RANBP2: variants seen among roughly 807,000 people sequenced by gnomAD.
RANBP2 encodes RAN binding protein 2.
In RANBP2, 57 loss-of-function variants were observed where a neutral mutation model predicts 303.6. That is an observed-to-expected ratio of 0.19 (90% confidence interval 0.15 to 0.23). The LOEUF (loss-of-function observed/expected upper bound fraction) is 0.23. RANBP2 is among the 10% of genes least tolerant of loss of function. The probability of loss-of-function intolerance (pLI) is 1.00; values close to 1 mark genes in which losing one functional copy is unlikely to be tolerated. For missense variants in RANBP2, 3,138 were observed against 3,780.8 expected, an observed-to-expected ratio of 0.83 and a Z score of 4.46; for synonymous variants, 1,167 against 1,301.5, an observed-to-expected ratio of 0.90 and a Z score of 2.23.
the RANBP2 span, among the ~76,000 whole-genome samples, chr2:109,102,602 C>T: frequency 6.6e-5 from 10 of 152,034 alleles, no homozygotes; most frequent in Non-Finnish European, 1.2e-4. Flanking sequence ...CATAACTCTT[C>T]GGTAGTTAGG....
At chr2:108,792,940 T>C in the RANBP2 span, among the ~76,000 whole-genome samples, 1 of 150,776 alleles carries the variant, frequency 6.6e-6, no homozygotes, top group East Asian at 2.0e-4. Context: ...AGCACGTGCC[T>C]GTAGTCCCAG....
chr2:108,926,179 C>T, the RANBP2 span, among the ~76,000 whole-genome samples: 1 of 152,164 alleles, frequency 6.6e-6, no homozygotes, highest in African/African-American at 2.4e-5. Context: ...GGGCTTGTCA[C>T]CAACCCGAAA....
At chr2:109,241,734 T>C in the RANBP2 span, among the ~76,000 whole-genome samples, 2 of 151,866 alleles carry the variant, frequency 1.3e-5, no homozygotes, top group Admixed American at 1.3e-4. Flanking sequence ...AGTTTTCTGT[T>C]CCCACCCTGC....
the RANBP2 span, among the ~76,000 whole-genome samples, chr2:109,049,661 A>G: frequency 6.6e-6 from 1 of 152,132 alleles, no homozygotes; most frequent in Admixed American, 6.5e-5. Context: ...TGCTTTTCAC[A>G]TTTATTTCTA....
chr2:109,603,529 G>A, the RANBP2 span, among the ~76,000 whole-genome samples: 4 of 150,960 alleles, frequency 2.6e-5, no homozygotes, highest in African/African-American at 7.3e-5. Flanking sequence ...GTGCACCACC[G>A]CGCCCGGCCT....
chr2:109,027,222 AAC>A, the RANBP2 span, among the ~76,000 whole-genome samples: 1 of 149,382 alleles, frequency 6.7e-6, no homozygotes, highest in South Asian at 2.2e-4. Flanking sequence ...CAGCCTGGGC[AAC>A]AGAGTGAGGC....
chr2:109,190,421 G>A, the RANBP2 span, among the ~76,000 whole-genome samples: 3 of 152,204 alleles, frequency 2.0e-5, no homozygotes, highest in Non-Finnish European at 4.4e-5. Flanking sequence ...CGATCCACCC[G>A]CCTCGGCCAC....
At chr2:108,755,302 T>G in intron 17 of RANBP2, 43 bp downstream of exon 17, 1 of 1,611,030 alleles carries the variant, frequency 6.2e-7, no homozygotes. Context: ...TATTCCAAGA[T>G]TCCTTCCCTG....
At chr2:109,260,389 C>A in the RANBP2 span, among the ~76,000 whole-genome samples, 38,359 of 152,132 alleles carry the variant, frequency 0.25, 5,259 homozygotes, top group East Asian at 0.46. Flanking sequence ...CCAGGAACCA[C>A]CAAAGCAGGA....
chr2:108,894,128 TATG>T, the RANBP2 span, among the ~76,000 whole-genome samples: 5 of 152,166 alleles, frequency 3.3e-5, no homozygotes, highest in Non-Finnish European at 5.9e-5. Context: ...ACCCCCGAGC[TATG>T]ATAATAAATG....
chr2:108,929,102 G>A, the RANBP2 span: 1 of 1,423,036 alleles, frequency 7.0e-7, no homozygotes, highest in Non-Finnish European at 9.8e-7. Context: ...GAGGCCTGCA[G>A]TATCCATGAC....
In RANBP2 at chr2:108,777,138, A is replaced by G; in HGVS notation, c.8506A>G (p.Lys2836Glu). 6.2e-7 allele frequency: 1 copy of G among 1,613,274 alleles called. No homozygotes were observed. Among genetic ancestry groups the G allele is most frequent in the Middle Eastern group, 1.7e-4 (1 of 6,056 alleles). Reference sequence around the variant, plus strand: ...TTTTTTTCTTTTGCCAGGGGAAAGCAAGATAGTTTCATTTGGATTTGGAAG... The same window carrying G: ...TTTTTTTCTTTTGCCAGGGGAAAGCGAGATAGTTTCATTTGGATTTGGAAG... ...DTDSTSQGES[K>E]IVSFGFGSST... is the part of the protein sequence containing the mutation. The change falls in exon 25 of 29, where the codon AAG (lysine) becomes GAG (glutamate). Residue 2836 changes from lysine (K) to glutamate (E), a missense_variant. Lys to Glu is a moderately conservative substitution (Grantham distance 56, BLOSUM62 1). Transcript: ENST00000283195.
At chr2:109,496,271 T>G in the RANBP2 span, among the ~76,000 whole-genome samples, 1 of 152,256 alleles carries the variant, frequency 6.6e-6, no homozygotes, top group South Asian at 2.1e-4. Context: ...TATAATCCTC[T>G]TGCTAGCTAC....
At chr2:109,014,720 C>T in the RANBP2 span, among the ~76,000 whole-genome samples, 2 of 152,194 alleles carry the variant, frequency 1.3e-5, no homozygotes, top group Non-Finnish European at 2.9e-5. Context: ...GTGTGAGAGG[C>T]GTGCAGGGCG....
chr2:108,961,501 T>C, the RANBP2 span, among the ~76,000 whole-genome samples: 1 of 152,096 alleles, frequency 6.6e-6, no homozygotes, highest in African/African-American at 2.4e-5. Context: ...CAGAGGGAGG[T>C]AGAGCTCCTG....
At chr2:109,681,502 G>A in the RANBP2 span, among the ~76,000 whole-genome samples, 2 of 152,178 alleles carry the variant, frequency 1.3e-5, no homozygotes, top group African/African-American at 4.8e-5. Flanking sequence ...GAGTAATGAA[G>A]TAGCATTGAA....
At chr2:109,224,049 A>T in the RANBP2 span, among the ~76,000 whole-genome samples, 1 of 152,176 alleles carries the variant, frequency 6.6e-6, no homozygotes, top group Admixed American at 6.5e-5. Context: ...TCATTAATGG[A>T]TAGAATGTTA....
chr2:109,306,922 G>A, the RANBP2 span, among the ~76,000 whole-genome samples: 1 of 152,252 alleles, frequency 6.6e-6, no homozygotes, highest in Non-Finnish European at 1.5e-5. Context: ...GCATGCCCGT[G>A]TGGATGGCTG....
chr2:109,245,856 G>A, the RANBP2 span, among the ~76,000 whole-genome samples: 1 of 152,138 alleles, frequency 6.6e-6, no homozygotes, highest in African/African-American at 2.4e-5. Context: ...ATTGAATCTA[G>A]AGTACTTAAC....
Sources: gnomAD v4.1 joint callset for allele counts (sites outside exome capture counted in the v4.1 genomes callset) on GRCh38, gnomAD v4.1.1 for gene constraint, MANE v1.5 for transcripts, NCBI Gene and HGNC (gene_info 2026-07-23, HGNC 2026-07-21) for gene names.